The following ROBO2 variants were observed in gnomAD, a reference collection of about 807,000 sequenced individuals.
The protein encoded by ROBO2 is roundabout homolog 2.
ROBO2 carries 53 observed loss-of-function variants against 160.8 expected under a neutral mutation model. The observed-to-expected ratio is 0.33, with a 90% confidence interval of 0.26 to 0.41. ROBO2 has a LOEUF of 0.41. ROBO2 is among the 10% of genes least tolerant of loss of function. The pLI, the probability that ROBO2 is intolerant of heterozygous loss-of-function variation, is 1.00. For missense variants in ROBO2, 1,577 were observed against 1,722.4 expected, an observed-to-expected ratio of 0.92 and a Z score of 1.49; for synonymous variants, 664 against 611.7, an observed-to-expected ratio of 1.09 and a Z score of -1.26.
At chr3:77,569,365 G>A (rs186037047) in intron 13 of ROBO2, among the ~76,000 whole-genome samples, 57 of 151,872 alleles carry the variant, frequency 3.8e-4, no homozygotes, top group Middle Eastern at 3.4e-3. Flanking sequence ...GATTATACCC[G>A]TTCTGGTGAG....
chr3:77,016,001 G>C (rs1327650056), intron 2 of ROBO2, among the ~76,000 whole-genome samples: 2 of 151,416 alleles, frequency 1.3e-5, no homozygotes, highest in Non-Finnish European at 2.9e-5. Flanking sequence ...TTTTGAGACA[G>C]AGCCTTGCTC....
intron 2 of ROBO2, among the ~76,000 whole-genome samples, chr3:77,213,058 C>T (rs901402813): frequency 4.6e-5 from 7 of 152,012 alleles, no homozygotes; most frequent in African/African-American, 7.3e-5. Flanking sequence ...GTGTCTCTGC[C>T]GGGCTTTGGT....
rs2093977970 is a variant in ROBO2 at position 76,751,108 on chromosome 3, A to G, written c.110-346906A>G. ...GGTACCAAAACAGAGATATAGACCAATGGAACAGAACAGAGCCCTCAGAAA... is the reference window on the plus strand; with the variant it reads ...GGTACCAAAACAGAGATATAGACCAGTGGAACAGAACAGAGCCCTCAGAAA... On this transcript the variant is annotated intron_variant, in intron 2 of 26. Transcript: ENST00000487694. Among the ~76,000 whole-genome samples the G allele has an allele frequency of 2.6e-5, 4 of 152,130 alleles. No individual in the cohort carries two copies. In the South Asian group the frequency reaches 8.3e-4, roughly 31 times the overall value.
intron 2 of ROBO2, among the ~76,000 whole-genome samples, chr3:77,240,804 G>A (rs2088924561): frequency 6.6e-6 from 1 of 152,202 alleles, no homozygotes; most frequent in South Asian, 2.1e-4. Flanking sequence ...TCTTTACCCA[G>A]ATAGAACAGA....
At chr3:77,374,362 T>C (rs2072325914) in intron 2 of ROBO2, among the ~76,000 whole-genome samples, 1 of 151,944 alleles carries the variant, frequency 6.6e-6, no homozygotes. Flanking sequence ...CTAGACTAAG[T>C]TCAGTGAAGG....
intron 2 of ROBO2, among the ~76,000 whole-genome samples, chr3:76,394,708 A>G (rs1414362512): frequency 6.6e-6 from 1 of 152,142 alleles, no homozygotes; most frequent in Non-Finnish European, 1.5e-5. Flanking sequence ...ACTTGAAACC[A>G]CCAACGATCA....
intron 2 of ROBO2, among the ~76,000 whole-genome samples, chr3:77,194,572 G>T (rs2082150452): frequency 6.6e-6 from 1 of 151,976 alleles, no homozygotes; most frequent in African/African-American, 2.4e-5. Context: ...ATTCATTACT[G>T]GGAATTCATT....
chr3:76,220,322 TATA>T (rs766595212), intron 2 of ROBO2, among the ~76,000 whole-genome samples: 1 of 151,122 alleles, frequency 6.6e-6, no homozygotes, highest in Non-Finnish European at 1.5e-5. Flanking sequence ...AAACTTAAAG[TATA>T]ATAATAATAA....
At chr3:75,973,740 GA>G (rs1301322526) in intron 2 of ROBO2, among the ~76,000 whole-genome samples, 1 of 151,668 alleles carries the variant, frequency 6.6e-6, no homozygotes, top group Non-Finnish European at 1.5e-5. Context: ...CCATGGAAAT[GA>G]AAGGAGCTAA....
intron 2 of ROBO2, among the ~76,000 whole-genome samples, chr3:77,398,956 T>A (rs1346858052): frequency 3.3e-5 from 5 of 152,148 alleles, no homozygotes; most frequent in Non-Finnish European, 7.4e-5. Context: ...AGAAGTTATT[T>A]TTTTTTCCTT....
chr3:77,568,765 T>C (rs2093560747), intron 13 of ROBO2, among the ~76,000 whole-genome samples: 1 of 152,010 alleles, frequency 6.6e-6, no homozygotes, highest in Non-Finnish European at 1.5e-5. Flanking sequence ...TTTAGAACAT[T>C]TCATCATCCC....
intron 2 of ROBO2, among the ~76,000 whole-genome samples, chr3:76,723,998 G>A (rs2093507362): frequency 6.6e-6 from 1 of 151,902 alleles, no homozygotes; most frequent in African/African-American, 2.4e-5. Context: ...CTTGCTTATT[G>A]TACTCAGCAA....
At chr3:77,018,946 C>T (rs2062452418) in intron 2 of ROBO2, among the ~76,000 whole-genome samples, 1 of 152,142 alleles carries the variant, frequency 6.6e-6, no homozygotes, top group African/African-American at 2.4e-5. Flanking sequence ...TTTCACTGCT[C>T]TGAATTACCA....
intron 2 of ROBO2, among the ~76,000 whole-genome samples, chr3:76,051,522 G>A (rs544478148): frequency 2.6e-5 from 4 of 152,208 alleles, no homozygotes; most frequent in African/African-American, 2.4e-5. Context: ...TGTAATGGGC[G>A]TGAATTATTT....
chr3:76,420,379 A>G (rs2075943531), intron 2 of ROBO2, among the ~76,000 whole-genome samples: 1 of 152,178 alleles, frequency 6.6e-6, no homozygotes, highest in African/African-American at 2.4e-5. Context: ...AGGCCTAACT[A>G]CAGAAGTTAA....
intron 2 of ROBO2, among the ~76,000 whole-genome samples, chr3:76,884,306 T>TA (rs1324780345): frequency 6.6e-6 from 1 of 152,224 alleles, no homozygotes; most frequent in Non-Finnish European, 1.5e-5. Flanking sequence ...GAAGTATGCA[T>TA]AAAAATTGTC....
At chr3:76,707,670 A>G (rs1238605721) in intron 2 of ROBO2, among the ~76,000 whole-genome samples, 1 of 150,562 alleles carries the variant, frequency 6.6e-6, no homozygotes, top group African/African-American at 2.4e-5. Context: ...GTTCATGCCT[A>G]GTACTTTGGT....
Position 75,919,101 on chromosome 3 carries a change from T to A in ROBO2, c.-14+12141T>A, listed in dbSNP as rs56839871. Among the ~76,000 whole-genome samples the A allele has an allele frequency of 4.5e-3, 687 of 152,298 alleles. 36 individuals are homozygous for A. In the East Asian group the frequency reaches 0.12, roughly 26 times the overall value. On this transcript the variant is annotated intron_variant, in intron 1 of 26. Coordinates refer to the ROBO2 transcript ENST00000487694. ...TGAGTAAGAGTGGGGAGAGAGGTCA[T>A]CCTTCTCTTGTGCCAGTTTTCAAAG...
intron 2 of ROBO2, among the ~76,000 whole-genome samples, chr3:76,212,343 A>AT (rs1274386949): frequency 1.3e-5 from 2 of 151,982 alleles, no homozygotes. Flanking sequence ...AAAACAATTT[A>AT]TTTTTGATAT....
Sources: gnomAD v4.1 joint callset for allele counts (sites outside exome capture counted in the v4.1 genomes callset) on GRCh38, gnomAD v4.1.1 for gene constraint, MANE v1.5 for transcripts, NCBI Gene and HGNC (gene_info 2026-07-23, HGNC 2026-07-21) for gene names.